The following WT1 variants were observed in gnomAD, a reference collection of about 807,000 sequenced individuals.
WT1 encodes Wilms tumor protein.
In WT1, 8 loss-of-function variants were observed where a neutral mutation model predicts 60.8. That is an observed-to-expected ratio of 0.13 (90% confidence interval 0.08 to 0.24). WT1 has a LOEUF of 0.24. WT1 is among the 10% of genes least tolerant of loss of function. WT1 has a pLI of 1.00. For missense variants in WT1, 568 were observed against 711.8 expected (o/e 0.80, Z 2.30); for synonymous variants, 312 against 297.1 (o/e 1.05, Z -0.52).
intron 5 of WT1, among the ~76,000 whole-genome samples, chr11:32,415,056 A>C (rs1320585526): frequency 1.3e-5 from 2 of 152,218 alleles, no homozygotes; most frequent in Non-Finnish European, 2.9e-5. Flanking sequence ...CTAACAGTAC[A>C]TGTCTAAAGA....
At chr11:32,430,455 G>GGAGAGGGAGAGAGAGA (rs1853252149) in intron 1 of WT1, 1 of 745,606 alleles carries the variant, frequency 1.3e-6, no homozygotes, top group African/African-American at 3.0e-5. Flanking sequence ...AGAGAGGGAG[G>GGAGAGGGAGAGAGAGA]GAGAGAGAGA....
Position 32,434,817 on chromosome 11 carries a change from A to G in WT1, c.544T>C (p.Tyr182His). Residue 182 changes from tyrosine (Y) to histidine (H), a missense_variant, in exon 1 of 10, where the codon TAC becomes CAC. Transcript: ENST00000452863. ...GGCGGAGGAGGACCGAAGGGCCCGT[A>G]GCGACAGGCTCCGGCTGTGCCAGTG... The G allele has an allele frequency of 1.9e-6, 3 of 1,612,594 alleles. No individual in the cohort carries two copies. The highest frequency in any genetic ancestry group is 2.5e-6 in the Non-Finnish European group (3 of 1,179,818).
rs7120241 is a variant in WT1, at chr11:32,421,301, G to C, written c.888-3647C>G. Among the ~76,000 whole-genome samples, 1,503 of 152,308 alleles carry C rather than the reference G, an allele frequency of 9.9e-3. 25 individuals are homozygous for C. Among genetic ancestry groups the C allele is most frequent in the African/African-American group, 0.034 (1,412 of 41,562 alleles). On this transcript the variant is annotated intron_variant, in intron 3 of 9. Transcript: ENST00000452863. ...AGCATCTAATTACTCAATAACCACTGTAGGTGCCACCACCTCATTCCCAGA... is the reference window on the plus strand; with the variant it reads ...AGCATCTAATTACTCAATAACCACTCTAGGTGCCACCACCTCATTCCCAGA...
chr11:32,416,687 C>G, intron 4 of WT1, 147 bp from the exon 5 acceptor site: 7 of 1,007,654 alleles, frequency 6.9e-6, no homozygotes, highest in Non-Finnish European at 1.1e-5. Context: ...TCCCCAGTCC[C>G]ACTGGGGCCA....
At chr11:32,392,913 T>G (rs1005339958) in intron 7 of WT1, among the ~76,000 whole-genome samples, 158 bp from the exon 8 acceptor site, 9 of 150,064 alleles carry the variant, frequency 6.0e-5, no homozygotes, top group African/African-American at 2.2e-4. Flanking sequence ...AAGTTACAAA[T>G]GAATGGGAGC....
intron 5 of WT1, among the ~76,000 whole-genome samples, chr11:32,409,419 C>T (rs1401682566): frequency 6.6e-6 from 1 of 152,022 alleles, no homozygotes; most frequent in Non-Finnish European, 1.5e-5. Context: ...ATTTTCATTA[C>T]ATATGACAAG....
At chr11:32,408,513 TTAAAA>T (rs1852392336) in intron 5 of WT1, among the ~76,000 whole-genome samples, 1 of 39,816 alleles carries the variant, frequency 2.5e-5, no homozygotes, top group African/African-American at 1.8e-4. Flanking sequence ...AGACTACGTC[TTAAAA>T]AAAAAAAAAA....
At chr11:32,417,488 T>A (rs1248582819) in intron 4 of WT1, 89 bp downstream of exon 4, 1 of 1,211,354 alleles carries the variant, frequency 8.3e-7, no homozygotes, top group Non-Finnish European at 1.2e-6. Flanking sequence ...TCTAAAACTG[T>A]ACTTTCTTCA....
At chr11:32,392,301 G>A (rs941092746) in intron 8 of WT1, among the ~76,000 whole-genome samples, 1 of 152,158 alleles carries the variant, frequency 6.6e-6, no homozygotes, top group Non-Finnish European at 1.5e-5. Context: ...TAACCACAGA[G>A]GTCCAGCTTC....
At chr11:32,407,887 A>T (rs1036303093) in intron 5 of WT1, among the ~76,000 whole-genome samples, 2 of 152,176 alleles carry the variant, frequency 1.3e-5, no homozygotes, top group Non-Finnish European at 2.9e-5. Context: ...AAAGGAAAAA[A>T]GAAAATAAAA....
At chr11:32,429,493 G>A (rs563026605) in intron 1 of WT1, among the ~76,000 whole-genome samples, 11 of 143,840 alleles carry the variant, frequency 7.6e-5, no homozygotes, top group African/African-American at 2.6e-4. Context: ...GAAAAAGAGC[G>A]TGGAGCCTCA....
At chr11:32,433,408 T>A (rs538624570) in intron 1 of WT1, among the ~76,000 whole-genome samples, 1 of 152,306 alleles carries the variant, frequency 6.6e-6, no homozygotes, top group African/African-American at 2.4e-5. Context: ...AGGAGCGGCC[T>A]GAAGACGCGC....
intron 3 of WT1, among the ~76,000 whole-genome samples, chr11:32,425,702 C>CT (rs1383880153): frequency 6.6e-5 from 10 of 152,066 alleles, no homozygotes; most frequent in African/African-American, 2.4e-4. Flanking sequence ...GTCACAAATT[C>CT]TTTTTTGAGA....
intron 5 of WT1, among the ~76,000 whole-genome samples, chr11:32,409,476 T>TATA (rs750430262): frequency 6.6e-6 from 1 of 152,104 alleles, no homozygotes; most frequent in Non-Finnish European, 1.5e-5. Context: ...TTATTATTAT[T>TATA]TTTAGAGAGA....
chr11:32,390,420 C>T (rs938563759), intron 9 of WT1, among the ~76,000 whole-genome samples: 1 of 152,144 alleles, frequency 6.6e-6, no homozygotes, highest in Admixed American at 6.5e-5. Context: ...AACACTTTGC[C>T]ACCGAATTAT....
intron 3 of WT1, among the ~76,000 whole-genome samples, chr11:32,424,790 G>A (rs2418911): frequency 0.29 from 44,056 of 152,034 alleles, 7,264 homozygotes; most frequent in East Asian, 0.73. Flanking sequence ...TTTTGAGAAT[G>A]TCCTCAAAGC....
chr11:32,390,251 G>T (rs1478275316), intron 9 of WT1, among the ~76,000 whole-genome samples: 2 of 152,218 alleles, frequency 1.3e-5, no homozygotes, highest in East Asian at 3.8e-4. Context: ...CCTTCTCTGA[G>T]AACTACTGGT....
At chr11:32,430,664 G>A (rs897048637) in intron 1 of WT1, 38 of 1,468,346 alleles carry the variant, frequency 2.6e-5, no homozygotes, top group Non-Finnish European at 3.4e-5. Flanking sequence ...CGAGACGTCC[G>A]TCCGCACCCC....
Position 32,434,783 on chromosome 11 carries a change from G to T in WT1, c.578C>A (p.Ala193Glu). The change falls in exon 1 of 10, where the codon GCG becomes GAG. Residue 193 changes from alanine (A) to glutamate (E), a missense_variant. Physicochemically the swap from Ala to Glu is moderately radical, Grantham distance 107. Coordinates refer to ENST00000452863, the MANE Select transcript of WT1 (RefSeq NM_024426.6). ...AAACATCCTGGCCTGGCCGGATGAC[G>T]CCTGGCTGGGCGGAGGAGGACCGAA... The T allele has an allele frequency of 1.2e-6, 2 of 1,612,624 alleles. No homozygotes were observed. Among genetic ancestry groups the T allele is most frequent in the Non-Finnish European group, 1.7e-6 (2 of 1,179,782 alleles).
Sources: allele counts gnomAD v4.1 joint callset (sites outside exome capture counted in the v4.1 genomes callset), GRCh38; gene constraint gnomAD v4.1.1; transcripts MANE v1.5; gene names NCBI Gene and HGNC (gene_info 2026-07-23, HGNC 2026-07-21).